GOLM1: variants seen among roughly 807,000 people sequenced by gnomAD.
GOLM1 encodes golgi membrane protein 1, also known as epididymis luminal protein 46.
GOLM1 carries 31 observed loss-of-function variants against 50.5 expected under a neutral mutation model. The observed-to-expected ratio is 0.61, with a 90% confidence interval of 0.46 to 0.83. The LOEUF is 0.83. Among genes scored for constraint, GOLM1 ranks in the 40% least tolerant of loss-of-function variants. GOLM1 has a pLI of 0.00. For synonymous variants in GOLM1, 178 were observed against 192.8 expected, an observed-to-expected ratio of 0.92 and a Z score of 0.64; for missense variants, 491 against 501.3, an observed-to-expected ratio of 0.98 and a Z score of 0.20.
At chr9:86,060,350 C>A (rs1834118119) in intron 3 of GOLM1, among the ~76,000 whole-genome samples, 1 of 151,994 alleles carries the variant, frequency 6.6e-6, no homozygotes, top group South Asian at 2.1e-4. Flanking sequence ...CAGAGACTTG[C>A]AAACAAGTCA....
intron 3 of GOLM1, among the ~76,000 whole-genome samples, chr9:86,073,959 A>G (rs1375403224): frequency 6.6e-6 from 1 of 152,038 alleles, no homozygotes; most frequent in African/African-American, 2.4e-5. Flanking sequence ...GTTTGTTCAC[A>G]TTTTCCCTGA....
At chr9:86,099,693 C>G (rs1026195945), upstream of GOLM1, 2 of 151,426 alleles carry the variant, frequency 1.3e-5, no homozygotes, top group East Asian at 3.9e-4. Context: ...GTGCGCGCGC[C>G]CCGGCCGGTG....
upstream of GOLM1, among the ~76,000 whole-genome samples, chr9:86,099,733 G>A (rs958681742): frequency 4.0e-5 from 6 of 151,858 alleles, no homozygotes; most frequent in South Asian, 2.1e-4. Context: ...AGGAACGCCA[G>A]CGTGCGCCCA....
chr9:86,060,462 C>T (rs1230730104), intron 3 of GOLM1, among the ~76,000 whole-genome samples: 1 of 152,170 alleles, frequency 6.6e-6, no homozygotes, highest in Non-Finnish European at 1.5e-5. Flanking sequence ...ACAGCCACCA[C>T]TGAGCCAAAT....
upstream of GOLM1, among the ~76,000 whole-genome samples, chr9:86,099,811 CGCCTGAGCAGCGACGCGGAGCGGGG>C (rs1235842648): frequency 6.6e-6 from 1 of 152,210 alleles, no homozygotes; most frequent in Non-Finnish European, 1.5e-5. Flanking sequence ...CGGGAGCTGG[CGCCTGAGCAGCGACGCGGAGCGGGG>C]AAGCGGCTGT....
intron 9 of GOLM1, among the ~76,000 whole-genome samples, chr9:86,030,050 G>A (rs1832921668): frequency 6.6e-6 from 1 of 152,012 alleles, no homozygotes; most frequent in South Asian, 2.1e-4. Context: ...TGTCTGTACT[G>A]AAAATACAAA....
chr9:86,060,596 C>T (rs1214637227), intron 3 of GOLM1, among the ~76,000 whole-genome samples: 2 of 151,970 alleles, frequency 1.3e-5, no homozygotes, highest in African/African-American at 4.8e-5. Flanking sequence ...TTACATAACA[C>T]ACAGGCCGGG....
At chr9:86,060,590 A>C (rs889955131) in intron 3 of GOLM1, among the ~76,000 whole-genome samples, 1 of 152,122 alleles carries the variant, frequency 6.6e-6, no homozygotes, top group East Asian at 1.9e-4. Flanking sequence ...AAGAAGTTAC[A>C]TAACACACAG....
intron 1 of GOLM1, among the ~76,000 whole-genome samples, chr9:86,083,010 G>A (rs1383138360): frequency 6.6e-6 from 1 of 152,142 alleles, no homozygotes; most frequent in Non-Finnish European, 1.5e-5. Context: ...GCTGAATAGG[G>A]CACCACTGTG....
intron 1 of GOLM1, among the ~76,000 whole-genome samples, chr9:86,093,883 G>C (rs1210440358): frequency 6.6e-6 from 1 of 152,186 alleles, no homozygotes; most frequent in Non-Finnish European, 1.5e-5. Flanking sequence ...AGATTAGCAT[G>C]TTTGACCAAC....
At chr9:86,053,207 A>G (rs1396508175) in intron 3 of GOLM1, among the ~76,000 whole-genome samples, 1 of 133,656 alleles carries the variant, frequency 7.5e-6, no homozygotes, top group Non-Finnish European at 1.6e-5. Flanking sequence ...ACACCAAACC[A>G]CACACATCAC....
At chr9:86,080,251 G>C (rs1238278665) in intron 1 of GOLM1, 1 of 152,180 alleles carries the variant, frequency 6.6e-6, no homozygotes, top group East Asian at 1.9e-4. Flanking sequence ...CAGCTTAGAA[G>C]AAAGATGCCA....
At position 86,026,155 on chromosome 9, in the gene GOLM1, C is replaced by T. The variant is rs1355448681; in HGVS notation, c.*1662G>A. ...GCTGTGACAAGTTTTATAAGTTGAA[C>T]AGAACATTTTATTTCTCAGCAATTC... On this transcript the variant is annotated 3_prime_UTR_variant, in exon 10 of 10. Transcript: ENST00000388712. 1.0e-6 allele frequency: 1 copy of T among 984,364 alleles called. No homozygotes were observed. The highest frequency in any genetic ancestry group is 1.2e-6 in the Non-Finnish European group (1 of 829,036). 61.0% of individuals were successfully genotyped at this position (984,364 alleles called of 1,614,324 possible).
At position 86,026,545 on chromosome 9, in the gene GOLM1, AG is replaced by A. The variant is rs1832789720; in HGVS notation, c.*1271del. The A allele has an allele frequency of 1.1e-6, 1 of 895,146 alleles. No homozygotes were observed. The highest frequency in any genetic ancestry group is 1.3e-6 in the Non-Finnish European group (1 of 747,662). The allele number at this position is 895,146 out of a possible 1,614,324, so 55.5% of individuals were successfully genotyped here. A position where few individuals can be genotyped will look rare whatever the true frequency, so the allele number is the denominator to read the frequency against. On this transcript the variant is annotated 3_prime_UTR_variant, in exon 10 of 10. Coordinates refer to ENST00000388712, the MANE Select transcript of GOLM1 (RefSeq NM_016548.4). ...CCCCATTTTCCCCTCTGAAAATAAG[AG>A]GGTTGGATCAAACGATCTCTGGGGC...
At position 86,044,509 on chromosome 9, in the gene GOLM1, T is replaced by G. The variant is rs565222549; in HGVS notation, c.467+1961A>C. ...GCTCAAATCCTTTCAGAATGCAATT[T>G]GACAATTCACACCCAGCAACAAGCT... On this transcript the variant is annotated intron_variant, in intron 5 of 9. Transcript: ENST00000388712. Among the ~76,000 whole-genome samples, 120 of 152,336 alleles carry G rather than the reference T, an allele frequency of 7.9e-4. 1 individual carries two copies. The highest frequency in any genetic ancestry group is 2.7e-3 in the African/African-American group (114 of 41,574).
intron 3 of GOLM1, among the ~76,000 whole-genome samples, chr9:86,061,464 G>A (rs62573248): frequency 1.4e-3 from 220 of 152,130 alleles, no homozygotes; most frequent in Non-Finnish European, 2.6e-3. Flanking sequence ...AATGGCCTTC[G>A]AAGCTCACTA....
chr9:86,056,474 CA>C (rs1421804749), intron 3 of GOLM1, among the ~76,000 whole-genome samples: 5 of 149,896 alleles, frequency 3.3e-5, no homozygotes, highest in Non-Finnish European at 5.9e-5. Context: ...CTGAGTTCGA[CA>C]AAATGATTTT....
At chr9:86,062,197 T>G (rs553122428) in intron 3 of GOLM1, among the ~76,000 whole-genome samples, 2 of 151,810 alleles carry the variant, frequency 1.3e-5, no homozygotes, top group African/African-American at 4.8e-5. Flanking sequence ...GCTGGGAGAG[T>G]GCAGGATGCT....
In GOLM1 at chr9:86,069,175, T is replaced by C. The variant is rs192152895; in HGVS notation, c.309+8237A>G. 9.2e-5 allele frequency among the ~76,000 whole-genome samples: 14 copies of C among 151,812 alleles called. No homozygotes were observed. The East Asian group carries it at 2.7e-3, about 29-fold the overall frequency. ...AAGAAAGGGAGTGGAGAGTTCTCAA[T>C]AGCTAATTTCTGAGTGAGAACTACA... On this transcript the variant is annotated intron_variant, in intron 3 of 9. Coordinates refer to ENST00000388712, the MANE Select transcript of GOLM1 (RefSeq NM_016548.4).
Sources: allele counts gnomAD v4.1 joint callset (sites outside exome capture counted in the v4.1 genomes callset), GRCh38; gene constraint gnomAD v4.1.1; transcripts MANE v1.5; gene names NCBI Gene and HGNC (gene_info 2026-07-23, HGNC 2026-07-21).